The following HTR1F variants were observed in gnomAD, a reference collection of about 807,000 sequenced individuals.
HTR1F encodes 5-hydroxytryptamine (serotonin) receptor 1F, G protein-coupled.
A neutral mutation model predicts 24.0 loss-of-function variants in HTR1F; 17 were observed. That is an observed-to-expected ratio of 0.71 (90% CI 0.48 to 1.06). The LOEUF (loss-of-function observed/expected upper bound fraction) is 1.06. HTR1F is among the 50% of genes least tolerant of loss of function. HTR1F has a pLI of 0.00. For synonymous variants in HTR1F, 186 were observed against 156.8 expected (o/e 1.19, Z -1.39); for missense variants, 391 against 427.8 (o/e 0.91, Z 0.76).
At position 87,821,992 on chromosome 3, in the gene HTR1F, T is replaced by G. The variant is rs1349023570; in HGVS notation, c.-159-16T>G. On this transcript the variant is annotated splice_polypyrimidine_tract_variant and intron_variant, in intron 1 of 2. Transcript: ENST00000319595. Reference sequence around the variant, plus strand: ...AGAGACAAGAAATGATTTGTTTTATTCTTTGCTTTTTTAAGGAGGAGTTTG... The same window carrying G: ...AGAGACAAGAAATGATTTGTTTTATGCTTTGCTTTTTTAAGGAGGAGTTTG... Among the ~76,000 whole-genome samples the G allele has an allele frequency of 6.6e-6, 1 of 152,176 alleles. No individual in the cohort carries two copies. The highest frequency in any genetic ancestry group is 1.5e-5 in the Non-Finnish European group (1 of 68,040).
intron 1 of HTR1F, among the ~76,000 whole-genome samples, chr3:87,796,511 T>C (rs1465794103): frequency 6.6e-6 from 1 of 152,052 alleles, no homozygotes; most frequent in Non-Finnish European, 1.5e-5. Context: ...GAGAATGTAT[T>C]TAAAGGATCA....
chr3:87,848,274 G>A (rs1018750457), intron 2 of HTR1F, among the ~76,000 whole-genome samples: 1 of 151,796 alleles, frequency 6.6e-6, no homozygotes, highest in African/African-American at 2.4e-5. Context: ...TACTGATGCT[G>A]AGCATTTTTT....
intron 2 of HTR1F, among the ~76,000 whole-genome samples, chr3:87,966,888 A>G (rs1393919): frequency 0.63 from 94,789 of 151,572 alleles, 31,036 homozygotes; most frequent in South Asian, 0.8. Flanking sequence ...ATATGGCTAC[A>G]GAGGATTTCC....
chr3:87,948,514 C>G (rs1452129834), intron 2 of HTR1F, among the ~76,000 whole-genome samples: 1 of 151,854 alleles, frequency 6.6e-6, no homozygotes, highest in Non-Finnish European at 1.5e-5. Context: ...CAGGACCTCA[C>G]TCTGTTGCCC....
intron 2 of HTR1F, among the ~76,000 whole-genome samples, chr3:87,849,871 T>C (rs1454999001): frequency 6.6e-6 from 1 of 151,968 alleles, no homozygotes; most frequent in Non-Finnish European, 1.5e-5. Context: ...TCATCATCAC[T>C]GGCCATCAGA....
chr3:87,897,259 C>G (rs1217535432), intron 2 of HTR1F, among the ~76,000 whole-genome samples: 1 of 147,194 alleles, frequency 6.8e-6, no homozygotes, highest in African/African-American at 2.5e-5. Flanking sequence ...TATAATTCAG[C>G]CTTTAAAATG....
chr3:87,976,167 A>T (rs571126867), intron 2 of HTR1F, among the ~76,000 whole-genome samples: 111 of 152,360 alleles, frequency 7.3e-4, no homozygotes, highest in African/African-American at 2.5e-3. Flanking sequence ...AATACTTTTA[A>T]TTTAACATAT....
chr3:87,842,727 T>C (rs1340595554), intron 2 of HTR1F, among the ~76,000 whole-genome samples: 1 of 151,984 alleles, frequency 6.6e-6, no homozygotes, highest in Non-Finnish European at 1.5e-5. Context: ...ACTAGAAATC[T>C]CTACAGATTA....
At chr3:87,958,174 T>C (rs1179121507) in intron 2 of HTR1F, among the ~76,000 whole-genome samples, 1 of 151,686 alleles carries the variant, frequency 6.6e-6, no homozygotes, top group Non-Finnish European at 1.5e-5. Context: ...TTCAAATACT[T>C]ATATTTTGTT....
chr3:87,901,458 C>T (rs962261814), intron 2 of HTR1F, among the ~76,000 whole-genome samples: 8 of 152,120 alleles, frequency 5.3e-5, no homozygotes, highest in Admixed American at 1.3e-4. Flanking sequence ...ACACCTTGAT[C>T]TGGGACTTCG....
At chr3:87,796,160 T>C (rs1042955297) in intron 1 of HTR1F, among the ~76,000 whole-genome samples, 1 of 152,100 alleles carries the variant, frequency 6.6e-6, no homozygotes, top group African/African-American at 2.4e-5. Context: ...GGATGTATTG[T>C]AGAGATGGTG....
At chr3:87,916,820 A>G (rs1316510434) in intron 2 of HTR1F, among the ~76,000 whole-genome samples, 6 of 152,142 alleles carry the variant, frequency 3.9e-5, no homozygotes, top group Admixed American at 3.9e-4. Context: ...ACAGAAAGTC[A>G]ACAAAGAAAC....
chr3:87,904,396 A>T (rs1703611001), intron 2 of HTR1F, among the ~76,000 whole-genome samples: 1 of 152,144 alleles, frequency 6.6e-6, no homozygotes, highest in South Asian at 2.1e-4. Context: ...ATGTGTACAT[A>T]TATATATTCT....
chr3:87,934,472 A>T (rs771704062), intron 2 of HTR1F, among the ~76,000 whole-genome samples: 24 of 152,312 alleles, frequency 1.6e-4, no homozygotes, highest in South Asian at 4.1e-4. Context: ...TTATTCCCTG[A>T]TATCAAGGCA....
intron 2 of HTR1F, among the ~76,000 whole-genome samples, chr3:87,979,293 G>A (rs554707340): frequency 4.6e-5 from 7 of 152,054 alleles, no homozygotes; most frequent in South Asian, 4.2e-4. Context: ...CCACACAACC[G>A]CTAGACCTCC....
intron 2 of HTR1F, among the ~76,000 whole-genome samples, chr3:87,856,083 T>C (rs1472386425): frequency 4.6e-5 from 7 of 152,044 alleles, no homozygotes; most frequent in Non-Finnish European, 8.8e-5. Context: ...TAAAAAGATA[T>C]TTTGAGAGAG....
chr3:87,912,558 T>C (rs1703801238), intron 2 of HTR1F, among the ~76,000 whole-genome samples: 1 of 105,160 alleles, frequency 9.5e-6, no homozygotes, highest in African/African-American at 3.9e-5. Context: ...TTCACAGAAC[T>C]AGAAGAATAA....
intron 1 of HTR1F, among the ~76,000 whole-genome samples, chr3:87,818,219 A>C (rs1279832437): frequency 6.6e-6 from 1 of 152,160 alleles, no homozygotes; most frequent in East Asian, 1.9e-4. Context: ...CAAAAGCTTC[A>C]AGTTTTTTCT....
At chr3:87,902,074 G>A (rs1385158479) in intron 2 of HTR1F, among the ~76,000 whole-genome samples, 1 of 151,926 alleles carries the variant, frequency 6.6e-6, no homozygotes, top group Non-Finnish European at 1.5e-5. Flanking sequence ...TATTTCAGTT[G>A]AATTTAGGTG....
Sources: gnomAD v4.1 joint callset for allele counts (sites outside exome capture counted in the v4.1 genomes callset) on GRCh38, gnomAD v4.1.1 for gene constraint, MANE v1.5 for transcripts, NCBI Gene and HGNC (gene_info 2026-07-23, HGNC 2026-07-21) for gene names.